The following SAMD12 variants were observed in gnomAD, a reference collection of about 807,000 sequenced individuals.
SAMD12 encodes sterile alpha motif domain containing 12.
A neutral mutation model predicts 15.0 loss-of-function variants in SAMD12; 9 were observed. The ratio of observed to expected loss-of-function variants is 0.60; its 90% CI spans 0.36 to 1.05. SAMD12 has a LOEUF of 1.05. Among genes scored for constraint, SAMD12 ranks in the 50% least tolerant of loss-of-function variants. The pLI is 0.01. For missense variants in SAMD12, 230 were observed against 234.2 expected, an observed-to-expected ratio of 0.98 and a Z score of 0.12; for synonymous variants, 86 against 90.1, an observed-to-expected ratio of 0.96 and a Z score of 0.25.
intron 3 of SAMD12, among the ~76,000 whole-genome samples, chr8:118,397,974 A>T (rs570696809): frequency 1.3e-5 from 2 of 152,218 alleles, no homozygotes; most frequent in South Asian, 4.1e-4. Flanking sequence ...GTTTTAGTAG[A>T]GACAGGGTTT....
intron 4 of SAMD12, among the ~76,000 whole-genome samples, chr8:118,327,845 C>T (rs937949435): frequency 6.6e-6 from 1 of 152,146 alleles, no homozygotes; most frequent in Admixed American, 6.5e-5. Flanking sequence ...AAGGTCCTGA[C>T]ATCTCCCATT....
At chr8:118,421,772 G>A (rs544672206) in intron 3 of SAMD12, among the ~76,000 whole-genome samples, 1 of 152,262 alleles carries the variant, frequency 6.6e-6, no homozygotes, top group South Asian at 2.1e-4. Context: ...ACAGCACTGC[G>A]ACAATCACTC....
intron 3 of SAMD12, among the ~76,000 whole-genome samples, chr8:118,426,035 T>C (rs1336933450): frequency 6.6e-6 from 1 of 152,242 alleles, no homozygotes; most frequent in Non-Finnish European, 1.5e-5. Context: ...GGAGGTCCCT[T>C]GCAGTCTGAC....
intron 1 of SAMD12, among the ~76,000 whole-genome samples, chr8:118,609,085 C>A (rs1450117396): frequency 1.3e-5 from 2 of 152,126 alleles, no homozygotes; most frequent in Admixed American, 1.3e-4. Context: ...ATACATTTTT[C>A]AAAGTATGTA....
At chr8:118,263,443 CA>C (rs886941509) in intron 4 of SAMD12, among the ~76,000 whole-genome samples, 2 of 151,956 alleles carry the variant, frequency 1.3e-5, no homozygotes, top group African/African-American at 4.8e-5. Context: ...ACTCTTCAGA[CA>C]CACGTTTTAC....
In SAMD12 at chr8:118,283,424, G is replaced by T. The variant is rs74822580; in HGVS notation, c.434-85692C>A. Among the ~76,000 whole-genome samples, 886 of 152,296 alleles carry T rather than the reference G, an allele frequency of 5.8e-3. 8 individuals are homozygous for T. Among genetic ancestry groups the T allele is most frequent in the African/African-American group, 0.02 (817 of 41,572 alleles). ...ACTTCTGAGCTAGTTTTAGAAGGGA[G>T]TACGTAGCCTTAATATTCCATTCCT... On this transcript the variant is annotated intron_variant, in intron 4 of 4. Coordinates refer to the SAMD12 transcript ENST00000409003.
chr8:118,156,529 A>G, the SAMD12 span, among the ~76,000 whole-genome samples: 1,327 of 152,298 alleles, frequency 8.7e-3, 13 homozygotes, highest in Non-Finnish European at 0.014. Context: ...TTACTCACCT[A>G]ACAAAACCTT....
At chr8:118,241,622 T>C (rs1812568275) in intron 4 of SAMD12, among the ~76,000 whole-genome samples, 1 of 152,146 alleles carries the variant, frequency 6.6e-6, no homozygotes, top group South Asian at 2.1e-4. Context: ...ATTTGCCTGT[T>C]TGTTGTGGCG....
chr8:118,469,157 C>T (rs951058862), intron 2 of SAMD12, among the ~76,000 whole-genome samples: 3 of 152,004 alleles, frequency 2.0e-5, no homozygotes, highest in African/African-American at 7.2e-5. Flanking sequence ...ACTACCCATG[C>T]CATTCAGATG....
chr8:118,483,724 G>A (rs1049094717), intron 2 of SAMD12, among the ~76,000 whole-genome samples: 15 of 152,234 alleles, frequency 9.9e-5, no homozygotes, highest in East Asian at 5.8e-4. Flanking sequence ...AGAAATTCAC[G>A]TTTGAGGATG....
chr8:118,492,897 G>A (rs1345602076), intron 2 of SAMD12, among the ~76,000 whole-genome samples: 2 of 152,122 alleles, frequency 1.3e-5, no homozygotes. Flanking sequence ...AAAGTGATGT[G>A]TGTCAAGCAT....
At chr8:118,352,965 G>A (rs1818033253) in intron 4 of SAMD12, among the ~76,000 whole-genome samples, 1 of 151,950 alleles carries the variant, frequency 6.6e-6, no homozygotes, top group Admixed American at 6.6e-5. Flanking sequence ...AAATAATTAT[G>A]TTGCTTTAGA....
At chr8:118,198,946 T>G (rs1016170587) in intron 4 of SAMD12, among the ~76,000 whole-genome samples, 14 of 152,248 alleles carry the variant, frequency 9.2e-5, no homozygotes, top group African/African-American at 3.4e-4. Context: ...AGGTTATTTA[T>G]CATAGAGGAA....
intron 1 of SAMD12, among the ~76,000 whole-genome samples, chr8:118,606,814 A>G (rs144405841): frequency 1.8e-3 from 278 of 152,286 alleles, no homozygotes; most frequent in African/African-American, 6.4e-3. Context: ...GGAGAAGGAA[A>G]TGGAGATCAT....
At chr8:118,566,943 A>G (rs564285165) in intron 2 of SAMD12, among the ~76,000 whole-genome samples, 217 of 152,342 alleles carry the variant, frequency 1.4e-3, no homozygotes, top group Middle Eastern at 3.4e-3. Context: ...GGTTACAGGC[A>G]GCCAATTTGA....
chr8:118,420,109 T>C (rs1426958458), intron 3 of SAMD12, among the ~76,000 whole-genome samples: 2 of 152,210 alleles, frequency 1.3e-5, no homozygotes, highest in East Asian at 3.8e-4. Flanking sequence ...CTGCTGCTCA[T>C]TTACCTAGGT....
chr8:118,500,067 CTTTTTTTTTTTTTT>C (rs563321387), intron 2 of SAMD12, among the ~76,000 whole-genome samples: 2 of 72,572 alleles, frequency 2.8e-5, no homozygotes, highest in Non-Finnish European at 4.8e-5. Flanking sequence ...TGAGTTTTGC[CTTTTTTTTTTTTTT>C]TTTTTTTTTT....
At chr8:118,515,110 C>T (rs1298824430) in intron 2 of SAMD12, among the ~76,000 whole-genome samples, 1 of 151,704 alleles carries the variant, frequency 6.6e-6, no homozygotes, top group Non-Finnish European at 1.5e-5. Context: ...GCTCCACCTC[C>T]TGGGTTCACG....
At chr8:118,247,094 T>C (rs552854449) in intron 4 of SAMD12, among the ~76,000 whole-genome samples, 6 of 152,156 alleles carry the variant, frequency 3.9e-5, no homozygotes, top group African/African-American at 1.4e-4. Flanking sequence ...AAGTAGGACA[T>C]TGTCACTTGC....
Sources: gnomAD v4.1 joint callset for allele counts (sites outside exome capture counted in the v4.1 genomes callset) on GRCh38, gnomAD v4.1.1 for gene constraint, MANE v1.5 for transcripts, NCBI Gene and HGNC (gene_info 2026-07-23, HGNC 2026-07-21) for gene names.